RHBDL3: variants seen among roughly 807,000 people sequenced by gnomAD.
RHBDL3 encodes rhomboid-related protein 3.
In RHBDL3, 28 loss-of-function variants were observed where a neutral mutation model predicts 48.2. That is an observed-to-expected ratio of 0.58 (90% CI 0.43 to 0.80). The LOEUF is 0.80. RHBDL3 is among the 30% of genes least tolerant of loss of function. The pLI is 0.00. For missense variants in RHBDL3, 464 were observed against 542.7 expected (o/e 0.85, Z 1.44); for synonymous variants, 208 against 232.3 (o/e 0.90, Z 0.95).
intron 3 of RHBDL3, among the ~76,000 whole-genome samples, chr17:32,287,772 T>C (rs370280519): frequency 1.2e-4 from 18 of 152,102 alleles, no homozygotes; most frequent in African/African-American, 3.4e-4. Context: ...CCAGCAAACA[T>C]AGGGACAGCT....
chr17:32,294,319 T>C lies in RHBDL3; in HGVS notation c.545T>C (p.Val182Ala). 1 of 1,613,932 alleles carries C rather than the reference T, an allele frequency of 6.2e-7. No homozygotes were observed. The highest frequency in any genetic ancestry group is 1.7e-5 in the Admixed American group (1 of 59,994). ...GTTGCCTTTTTCCTCTACAATGGGG[T>C]GTCACTAGGTCAATTTGTACTGCAG... Reference protein sequence around the residue: ...LEVAFFLYNGVSLGQFVLQVT... With the variant: ...LEVAFFLYNGASLGQFVLQVT... Residue 182 changes from valine to alanine, a missense_variant, in exon 5 of 9, where the codon GTG becomes GCG. Physicochemically the swap from Val to Ala is moderately conservative, Grantham distance 64. Coordinates refer to ENST00000269051, the MANE Select transcript of RHBDL3 (RefSeq NM_138328.3).
chr17:32,293,874 T>C (rs2040389729), intron 4 of RHBDL3, among the ~76,000 whole-genome samples: 2 of 152,048 alleles, frequency 1.3e-5, no homozygotes, highest in Non-Finnish European at 2.9e-5. Flanking sequence ...ACGCCTGTAA[T>C]TGTAGCACTT....
chr17:32,311,219 G>T (rs905470718), intron 7 of RHBDL3, among the ~76,000 whole-genome samples: 8 of 152,228 alleles, frequency 5.3e-5, no homozygotes, highest in African/African-American at 1.9e-4. Context: ...CAAAAGGTTT[G>T]TATTCCCCAA....
intron 2 of RHBDL3, among the ~76,000 whole-genome samples, chr17:32,282,691 C>T (rs905786224): frequency 5.3e-5 from 8 of 152,178 alleles, no homozygotes; most frequent in East Asian, 1.9e-4. Context: ...GGCACGATGT[C>T]GGCTCACTGC....
At chr17:32,310,883 C>CAAAAAAAAAAA (rs11348841) in intron 7 of RHBDL3, among the ~76,000 whole-genome samples, 1 of 55,554 alleles carries the variant, frequency 1.8e-5, no homozygotes, top group Non-Finnish European at 3.5e-5. Context: ...GGCTCCATCT[C>CAAAAAAAAAAA]AAAAAAAAAA....
At chr17:32,294,891 T>G (rs2040413904) in intron 5 of RHBDL3, among the ~76,000 whole-genome samples, 1 of 152,150 alleles carries the variant, frequency 6.6e-6, no homozygotes, top group Non-Finnish European at 1.5e-5. Context: ...CTGACGATAA[T>G]TATAGTTTCT....
At chr17:32,305,151 AAGGGAGGGAGGGAGGGAG>A (rs1219039840) in intron 6 of RHBDL3, among the ~76,000 whole-genome samples, 172 bp from the exon 7 acceptor site, 3 of 133,288 alleles carry the variant, frequency 2.3e-5, no homozygotes, top group Non-Finnish European at 4.8e-5. Flanking sequence ...GAAAGGAAGG[AAGGGAGGGAGGGAGGGAG>A]AGGGAGGGGA....
chr17:32,313,917 C>T (rs535876232), intron 7 of RHBDL3, among the ~76,000 whole-genome samples: 10 of 151,964 alleles, frequency 6.6e-5, no homozygotes, highest in African/African-American at 2.2e-4. Flanking sequence ...CCACCATGCC[C>T]AGCTAATTTT....
At chr17:32,267,983 C>A in intron 2 of RHBDL3, 58 bp downstream of exon 2, 1 of 1,382,438 alleles carries the variant, frequency 7.2e-7, no homozygotes, top group South Asian at 1.2e-5. Flanking sequence ...CGGTCTCAGT[C>A]TCCCTGCTTG....
At chr17:32,283,603 T>A (rs141966136) in intron 2 of RHBDL3, among the ~76,000 whole-genome samples, 45 of 152,172 alleles carry the variant, frequency 3.0e-4, no homozygotes, top group Middle Eastern at 3.4e-3. Context: ...GATTACAGGC[T>A]TGAGCCACTG....
chr17:32,320,232 C>T (rs757861421), intron 8 of RHBDL3, among the ~76,000 whole-genome samples: 15 of 152,122 alleles, frequency 9.9e-5, no homozygotes, highest in African/African-American at 1.9e-4. Flanking sequence ...GTGATGGTGC[C>T]GCTGTACTCC....
intron 2 of RHBDL3, among the ~76,000 whole-genome samples, chr17:32,271,214 T>C (rs1489714096): frequency 1.3e-5 from 2 of 152,238 alleles, no homozygotes; most frequent in Non-Finnish European, 2.9e-5. Flanking sequence ...AAAAACATCA[T>C]ATAACCCTGC....
chr17:32,266,310 C>T lies in RHBDL3; in HGVS notation c.111+10C>T. On this transcript the variant is annotated intron_variant, in intron 1 of 8. Coordinates refer to ENST00000269051, the MANE Select transcript of RHBDL3 (RefSeq NM_138328.3). ...CGCGGCGCCGGAGGACGTGAGTGCCCCCTCCCCGCCCGGCAAACTTTCTAG... is the reference window on the plus strand; with the variant it reads ...CGCGGCGCCGGAGGACGTGAGTGCCTCCTCCCCGCCCGGCAAACTTTCTAG... 7.1e-7 allele frequency: 1 copy of T among 1,410,414 alleles called. No homozygotes were observed. Among genetic ancestry groups the T allele is most frequent in the Non-Finnish European group, 9.3e-7 (1 of 1,070,252 alleles). 87.4% of individuals were successfully genotyped at this position (1,410,414 alleles called of 1,614,324 possible).
In RHBDL3 at chr17:32,322,699, G is replaced by A. The variant is rs1341687612; in HGVS notation, c.*1470G>A. 6.6e-6 allele frequency: 1 copy of A among 152,194 alleles called. No homozygotes were observed. The highest frequency in any genetic ancestry group is 2.4e-5 in the African/African-American group (1 of 41,410). 9.4% of individuals were successfully genotyped at this position (152,194 alleles called of 1,614,324 possible). A position where few individuals can be genotyped will look rare whatever the true frequency, so the allele number is the denominator to read the frequency against. ...GCTTGGATGCGGGAGAGAACATGGT[G>A]GTTATCAAATCCACCCCACCCCATT... On this transcript the variant is annotated 3_prime_UTR_variant, in exon 9 of 9. Coordinates refer to ENST00000269051, the MANE Select transcript of RHBDL3 (RefSeq NM_138328.3).
chr17:32,298,267 T>C, intron 6 of RHBDL3, 63 bp downstream of exon 6: 1 of 1,113,052 alleles, frequency 9.0e-7, no homozygotes, highest in South Asian at 1.4e-5. Flanking sequence ...GGAGACCCTG[T>C]GGGGCGGGGC....
At chr17:32,278,413 GTCT>G (rs1254426602) in intron 2 of RHBDL3, among the ~76,000 whole-genome samples, 1 of 152,210 alleles carries the variant, frequency 6.6e-6, no homozygotes, top group African/African-American at 2.4e-5. Flanking sequence ...AACTATTTCT[GTCT>G]TGACCGCGAA....
In RHBDL3 at chr17:32,266,318, G is replaced by T. The variant is rs2039627672; in HGVS notation, c.111+18G>T. On this transcript the variant is annotated intron_variant, in intron 1 of 8. Coordinates refer to ENST00000269051, the MANE Select transcript of RHBDL3 (RefSeq NM_138328.3). ...CGGAGGACGTGAGTGCCCCCTCCCC[G>T]CCCGGCAAACTTTCTAGGGGGCGCC... 3 of 1,366,526 alleles carry T rather than the reference G, an allele frequency of 2.2e-6. No homozygotes were observed. The highest frequency in any genetic ancestry group is 2.9e-6 in the Non-Finnish European group (3 of 1,033,586). The allele number at this position is 1,366,526 out of a possible 1,614,324, so 84.7% of individuals were successfully genotyped here.
Position 32,266,209 on chromosome 17 carries a change from C to T in RHBDL3, c.20C>T (p.Pro7Leu). 1 of 1,398,130 alleles carries T rather than the reference C, an allele frequency of 7.2e-7. No homozygotes were observed. Among genetic ancestry groups the T allele is most frequent in the Non-Finnish European group, 9.2e-7 (1 of 1,081,102 alleles). The allele number at this position is 1,398,130 out of a possible 1,614,324, so 86.6% of individuals were successfully genotyped here. Reference protein sequence around the residue: MGEHPSPGPAVAACAEA... With the variant: MGEHPSLGPAVAACAEA... ...TCGGCCATGGGCGAGCACCCCAGCCCGGGCCCCGCGGTGGCCGCCTGCGCC... is the reference window on the plus strand; with the variant it reads ...TCGGCCATGGGCGAGCACCCCAGCCTGGGCCCCGCGGTGGCCGCCTGCGCC... The change falls in exon 1 of 9, where the codon CCG becomes CTG. Residue 7 changes from proline to leucine, a missense_variant. Coordinates refer to ENST00000269051, the MANE Select transcript of RHBDL3 (RefSeq NM_138328.3).
chr17:32,294,232 G>A, intron 4 of RHBDL3, 62 bp from the exon 5 acceptor site: 2 of 1,465,592 alleles, frequency 1.4e-6, no homozygotes, highest in Non-Finnish European at 1.9e-6. Context: ...GTGCTAGTCA[G>A]CACAACAGGA....
Sources: allele counts gnomAD v4.1 joint callset (sites outside exome capture counted in the v4.1 genomes callset), GRCh38; gene constraint gnomAD v4.1.1; transcripts MANE v1.5; gene names NCBI Gene and HGNC (gene_info 2026-07-23, HGNC 2026-07-21).